The following AMOTL1 variants were observed in gnomAD, a reference collection of about 807,000 sequenced individuals.
AMOTL1 encodes the protein angiomotin like 1, also known as angiomotin-like protein 1.
AMOTL1 carries 45 observed loss-of-function variants against 102.9 expected under a neutral mutation model. The ratio of observed to expected loss-of-function variants is 0.44; its 90% CI spans 0.34 to 0.56. AMOTL1 has a LOEUF of 0.56. AMOTL1 is among the 20% of genes least tolerant of loss of function. The pLI is 0.01. For synonymous variants in AMOTL1, 481 were observed against 484.7 expected (o/e 0.99, Z 0.10); for missense variants, 1,114 against 1,225.6 (o/e 0.91, Z 1.36).
chr11:94,779,871 A>AT (rs75546760), intron 1 of AMOTL1, among the ~76,000 whole-genome samples: 1 of 152,098 alleles, frequency 6.6e-6, no homozygotes, highest in Admixed American at 6.5e-5. Flanking sequence ...AAAAAAAAAA[A>AT]TTATCGTTTG....
chr11:94,810,882 A>G (rs1018833846), intron 3 of AMOTL1, among the ~76,000 whole-genome samples: 2 of 151,706 alleles, frequency 1.3e-5, no homozygotes, highest in African/African-American at 4.8e-5. Flanking sequence ...GTACACACAC[A>G]TATCTTGGAT....
intron 9 of AMOTL1, 58 bp downstream of exon 9, chr11:94,859,773 A>C: frequency 6.7e-7 from 1 of 1,500,746 alleles, no homozygotes; most frequent in Non-Finnish European, 8.9e-7. Context: ...TCAAAACAAA[A>C]CAAACAGGCT....
intron 1 of AMOTL1, among the ~76,000 whole-genome samples, chr11:94,719,140 T>A (rs989913381): frequency 6.6e-6 from 1 of 152,086 alleles, no homozygotes; most frequent in African/African-American, 2.4e-5. Flanking sequence ...TCCCCACTAA[T>A]TTGAAATGCC....
At chr11:94,777,381 A>C (rs1297548256) in intron 1 of AMOTL1, among the ~76,000 whole-genome samples, 2 of 152,232 alleles carry the variant, frequency 1.3e-5, no homozygotes, top group African/African-American at 2.4e-5. Context: ...GATAGTCATC[A>C]AAAAACTGAA....
chr11:94,802,966 A>G (rs2135579292), intron 3 of AMOTL1, among the ~76,000 whole-genome samples: 1 of 152,264 alleles, frequency 6.6e-6, no homozygotes, highest in South Asian at 2.1e-4. Flanking sequence ...ATTGATCGTG[A>G]TGGTTTAGGA....
At chr11:94,727,588 G>C (rs574929144) in intron 1 of AMOTL1, among the ~76,000 whole-genome samples, 9 of 152,282 alleles carry the variant, frequency 5.9e-5, no homozygotes, top group African/African-American at 2.2e-4. Flanking sequence ...AAGTCTGGGA[G>C]GCCTGAAGAG....
At chr11:94,828,796 A>G (rs760822328) in intron 4 of AMOTL1, among the ~76,000 whole-genome samples, 4 of 152,230 alleles carry the variant, frequency 2.6e-5, no homozygotes, top group Non-Finnish European at 5.9e-5. Flanking sequence ...TCCTGGTGCC[A>G]TTGCTGTCTT....
At chr11:94,708,346 G>A (rs1949965455) in intron 1 of AMOTL1, among the ~76,000 whole-genome samples, 1 of 152,190 alleles carries the variant, frequency 6.6e-6, no homozygotes, top group Non-Finnish European at 1.5e-5. Context: ...AATGCGAGAG[G>A]ATAGGGAATG....
At chr11:94,812,331 A>C (rs997734919) in intron 3 of AMOTL1, among the ~76,000 whole-genome samples, 1 of 152,186 alleles carries the variant, frequency 6.6e-6, no homozygotes, top group Non-Finnish European at 1.5e-5. Context: ...AGGGCAGGAC[A>C]ACTTGAGGTG....
rs1953098304 is a variant in AMOTL1, at chr11:94,876,531, C to T, written c.*5736C>T. On this transcript the variant is annotated 3_prime_UTR_variant, in exon 13 of 13. Transcript: ENST00000433060. Reference sequence around the variant, plus strand: ...CATACAGCCAAATGGGTCTGTGTACCAGTGTGGGGATTCCAAGAACACTGC... The same window carrying T: ...CATACAGCCAAATGGGTCTGTGTACTAGTGTGGGGATTCCAAGAACACTGC... The T allele has an allele frequency of 6.6e-6, 1 of 152,618 alleles. No individual in the cohort carries two copies. The highest frequency in any genetic ancestry group is 2.4e-5 in the African/African-American group (1 of 41,434). 9.5% of individuals were successfully genotyped at this position (152,618 alleles called of 1,614,324 possible).
intron 4 of AMOTL1, among the ~76,000 whole-genome samples, chr11:94,826,337 A>G (rs1427269192): frequency 6.6e-6 from 1 of 152,064 alleles, no homozygotes; most frequent in African/African-American, 2.4e-5. Flanking sequence ...TCCTACATTT[A>G]CTCATAACTC....
intron 9 of AMOTL1, among the ~76,000 whole-genome samples, chr11:94,863,292 A>G (rs1952810250): frequency 6.6e-6 from 1 of 151,988 alleles, no homozygotes; most frequent in African/African-American, 2.4e-5. Flanking sequence ...AAAAAAAAAA[A>G]AAAGCTTTAA....
Position 94,800,182 on chromosome 11 carries a change from G to A in AMOTL1, c.992G>A (p.Gly331Glu). The A allele has an allele frequency of 6.2e-7, 1 of 1,613,950 alleles. No individual in the cohort carries two copies. Among genetic ancestry groups the A allele is most frequent in the Non-Finnish European group, 8.5e-7 (1 of 1,179,870 alleles). ...CCAGTCAGCAAGACCCAGGAGCACG[G>A]ACTTTTTTATGGTGACCAGCACCCC... ...MSPVSKTQEH[G>E]LFYGDQHPGM... The change falls in exon 3 of 13, where the codon GGA (glycine) becomes GAA (glutamate). Residue 331 changes from glycine (G) to glutamate (E), a missense_variant. Coordinates refer to ENST00000433060, the MANE Select transcript of AMOTL1 (RefSeq NM_130847.3).
intron 11 of AMOTL1, among the ~76,000 whole-genome samples, chr11:94,868,969 A>G (rs570825227): frequency 1.3e-5 from 2 of 151,494 alleles, no homozygotes; most frequent in South Asian, 4.2e-4. Flanking sequence ...AAAAAAACAC[A>G]CAAAAAAAAC....
At chr11:94,763,393 A>G (rs1350889596), upstream of AMOTL1, among the ~76,000 whole-genome samples, 1 of 152,152 alleles carries the variant, frequency 6.6e-6, no homozygotes, top group East Asian at 1.9e-4. Flanking sequence ...TCTTCAGAGG[A>G]GGCATGTGCT....
chr11:94,726,568 G>GCTGCTTC (rs1950263072), intron 1 of AMOTL1, among the ~76,000 whole-genome samples: 1 of 152,048 alleles, frequency 6.6e-6, no homozygotes, highest in East Asian at 1.9e-4. Flanking sequence ...GCTGTCATTA[G>GCTGCTTC]AAAGTATTTC....
Position 94,796,603 on chromosome 11 carries a change from G to A in AMOTL1, c.199+1443G>A, listed in dbSNP as rs979741519. On this transcript the variant is annotated intron_variant, in intron 2 of 12. Coordinates refer to ENST00000433060, the MANE Select transcript of AMOTL1 (RefSeq NM_130847.3). ...GAACCCGTAGAGTGGCTGAGGGCACGGAAGAACGGATGGGATGGGGGAGCT... is the reference window on the plus strand; with the variant it reads ...GAACCCGTAGAGTGGCTGAGGGCACAGAAGAACGGATGGGATGGGGGAGCT... 5.9e-5 allele frequency among the ~76,000 whole-genome samples: 9 copies of A among 152,308 alleles called. No individual in the cohort carries two copies. The South Asian group carries it at 1.2e-3, about 21-fold the overall frequency.
chr11:94,859,750 A>G, intron 9 of AMOTL1, 35 bp downstream of exon 9: 2 of 1,542,568 alleles, frequency 1.3e-6, no homozygotes, highest in Non-Finnish European at 1.8e-6. Flanking sequence ...TCATAAAAGC[A>G]CAGTTAAAAA....
chr11:94,816,865 A>G (rs1043607481), intron 3 of AMOTL1, among the ~76,000 whole-genome samples: 2 of 152,270 alleles, frequency 1.3e-5, no homozygotes, highest in Admixed American at 6.5e-5. Flanking sequence ...CCCAGAGACT[A>G]TTGTGGAAGA....
Sources: gnomAD v4.1 joint callset for allele counts (sites outside exome capture counted in the v4.1 genomes callset) on GRCh38, gnomAD v4.1.1 for gene constraint, MANE v1.5 for transcripts, NCBI Gene and HGNC (gene_info 2026-07-23, HGNC 2026-07-21) for gene names.